Variants in SLC26A7 observed in about 807,000 individuals in gnomAD.
SLC26A7 encodes the protein anion exchange transporter.
In SLC26A7, 59 loss-of-function variants were observed where a neutral mutation model predicts 82.5. The ratio of observed to expected loss-of-function variants is 0.72; its 90% CI spans 0.58 to 0.89. The LOEUF is 0.89. Ranked by LOEUF, SLC26A7 falls within the 40% of genes least tolerant of loss-of-function variation. SLC26A7 has a pLI of 0.00. For missense variants in SLC26A7, 820 were observed against 793.0 expected, an observed-to-expected ratio of 1.03 and a Z score of -0.41; for synonymous variants, 271 against 274.3, an observed-to-expected ratio of 0.99 and a Z score of 0.12.
At chr8:91,237,042 T>G (rs1307379676) in intron 2 of SLC26A7, among the ~76,000 whole-genome samples, 1 of 152,202 alleles carries the variant, frequency 6.6e-6, no homozygotes, top group Non-Finnish European at 1.5e-5. Context: ...TCAAACCCAA[T>G]TTGACTGTTA....
chr8:91,338,066 A>G, intron 6 of SLC26A7, 84 bp from the exon 7 acceptor site: 3 of 800,542 alleles, frequency 3.7e-6, no homozygotes, highest in Non-Finnish European at 5.6e-6. Context: ...CATGAGAACA[A>G]TGTTTACTTT....
At chr8:91,393,655 C>T (rs1003796369) in intron 16 of SLC26A7, 142 bp from the exon 17 acceptor site, 5 of 803,790 alleles carry the variant, frequency 6.2e-6, no homozygotes, top group Non-Finnish European at 1.0e-5. Context: ...TTATGCCTGA[C>T]TGTGTAACAA....
chr8:91,332,400 T>A (rs2130827878), intron 5 of SLC26A7, among the ~76,000 whole-genome samples: 1 of 143,740 alleles, frequency 7.0e-6, no homozygotes, highest in Non-Finnish European at 1.5e-5. Flanking sequence ...ATATATTATA[T>A]TTAATTATTC....
chr8:91,266,621 T>A (rs1489386743), intron 2 of SLC26A7, among the ~76,000 whole-genome samples: 4 of 151,936 alleles, frequency 2.6e-5, no homozygotes, highest in Non-Finnish European at 5.9e-5. Context: ...ATTCATTTAT[T>A]AGTTCTAACA....
intron 2 of SLC26A7, among the ~76,000 whole-genome samples, chr8:91,252,268 T>A (rs1302861458): frequency 6.6e-6 from 1 of 152,116 alleles, no homozygotes; most frequent in Non-Finnish European, 1.5e-5. Flanking sequence ...TGTTTTTCGT[T>A]CTTCTTTCTC....
intron 1 of SLC26A7, among the ~76,000 whole-genome samples, chr8:91,217,551 T>G (rs990773107): frequency 6.6e-6 from 1 of 152,152 alleles, no homozygotes; most frequent in African/African-American, 2.4e-5. Context: ...TACCCCAGAC[T>G]AATCACCATT....
intron 3 of SLC26A7, among the ~76,000 whole-genome samples, chr8:91,291,950 A>T (rs1811881547): frequency 6.6e-6 from 1 of 152,218 alleles, no homozygotes; most frequent in African/African-American, 2.4e-5. Context: ...CACCAAAGAC[A>T]GTCAGCTGGG....
chr8:91,394,713 T>C (rs1226170766), intron 18 of SLC26A7: 10 of 1,108,022 alleles, frequency 9.0e-6, no homozygotes, highest in South Asian at 3.0e-5. Context: ...ATCTAACATA[T>C]ATTGAGTGCC....
At chr8:91,342,620 A>G (rs1274159953) in intron 8 of SLC26A7, among the ~76,000 whole-genome samples, 1 of 152,204 alleles carries the variant, frequency 6.6e-6, no homozygotes, top group Non-Finnish European at 1.5e-5. Flanking sequence ...AGGGAAGAAC[A>G]TGGGAGAACC....
At chr8:91,363,350 G>A in intron 12 of SLC26A7, 122 bp from the exon 13 acceptor site, 1 of 561,440 alleles carries the variant, frequency 1.8e-6, no homozygotes, top group Non-Finnish European at 3.2e-6. Flanking sequence ...GAACAAATGA[G>A]TTATAGGATA....
Position 91,217,526 on chromosome 8 carries a change from C to G in SLC26A7, c.-149-1364C>G, listed in dbSNP as rs185201544. On this transcript the variant is annotated intron_variant, in intron 1 of 5. Transcript: ENST00000522862. ...ATGTTCATTGGCTTCCTTGAACTGTCTTGCCTTATGTGCTTACCCCAGACT... is the reference window on the plus strand; with the variant it reads ...ATGTTCATTGGCTTCCTTGAACTGTGTTGCCTTATGTGCTTACCCCAGACT... Among the ~76,000 whole-genome samples, 8 of 152,238 alleles carry G rather than the reference C, an allele frequency of 5.3e-5. No homozygotes were observed. In the East Asian group the frequency reaches 1.5e-3, roughly 29 times the overall value.
At chr8:91,343,237 G>A (rs1222211511) in intron 8 of SLC26A7, 116 bp from the exon 9 acceptor site, 4 of 645,804 alleles carry the variant, frequency 6.2e-6, no homozygotes, top group Non-Finnish European at 1.1e-5. Flanking sequence ...AATCCCAACT[G>A]GTGGGGAGAA....
At chr8:91,234,886 TTCTC>T (rs368880426) in intron 2 of SLC26A7, among the ~76,000 whole-genome samples, 104 of 144,136 alleles carry the variant, frequency 7.2e-4, no homozygotes, top group South Asian at 3.8e-3. Context: ...CCTCCTTCCT[TTCTC>T]TCTCTCTCTC....
At chr8:91,337,525 T>C (rs1181406626) in intron 6 of SLC26A7, among the ~76,000 whole-genome samples, 2 of 152,154 alleles carry the variant, frequency 1.3e-5, no homozygotes, top group East Asian at 1.9e-4. Context: ...GCAGGGAACA[T>C]GTAACCTTGC....
At chr8:91,365,483 A>G (rs1814167523) in intron 13 of SLC26A7, among the ~76,000 whole-genome samples, 1 of 152,210 alleles carries the variant, frequency 6.6e-6, no homozygotes, top group African/African-American at 2.4e-5. Context: ...TGGGATGACT[A>G]ATATGACAGG....
intron 2 of SLC26A7, among the ~76,000 whole-genome samples, chr8:91,229,388 C>T (rs771618587): frequency 6.6e-6 from 1 of 152,146 alleles, no homozygotes; most frequent in Non-Finnish European, 1.5e-5. Flanking sequence ...GAATTTTTCC[C>T]TCTAACATTT....
chr8:91,366,790 G>A (rs1221101201), intron 14 of SLC26A7, 73 bp downstream of exon 14: 1 of 1,491,292 alleles, frequency 6.7e-7, no homozygotes, highest in Non-Finnish European at 9.0e-7. Context: ...CATGTATCAA[G>A]TAAATAATAA....
chr8:91,221,365 C>G (rs1810158060), intron 2 of SLC26A7, among the ~76,000 whole-genome samples: 1 of 152,116 alleles, frequency 6.6e-6, no homozygotes, highest in Non-Finnish European at 1.5e-5. Flanking sequence ...CTTCTAGAAG[C>G]TCTTTAGTTT....
chr8:91,319,110 G>A (rs775876851), intron 5 of SLC26A7, among the ~76,000 whole-genome samples: 25 of 152,056 alleles, frequency 1.6e-4, no homozygotes, highest in East Asian at 5.8e-4. Flanking sequence ...AAATATTAAT[G>A]GCTCGAAGTA....
Sources: gnomAD v4.1 joint callset for allele counts (sites outside exome capture counted in the v4.1 genomes callset) on GRCh38, gnomAD v4.1.1 for gene constraint, MANE v1.5 for transcripts, NCBI Gene and HGNC (gene_info 2026-07-23, HGNC 2026-07-21) for gene names.